Variants in CCDC6 observed in about 807,000 individuals in gnomAD.
The protein encoded by CCDC6 is coiled-coil domain-containing protein 6.
Under a neutral mutation model 56.6 loss-of-function variants are expected in CCDC6, and 20 were observed. That is an observed-to-expected ratio of 0.35 (90% confidence interval 0.25 to 0.51). CCDC6 has a LOEUF of 0.51. Ranked by LOEUF, CCDC6 falls within the 20% of genes least tolerant of loss-of-function variation. The probability of loss-of-function intolerance (pLI) is 0.95; values close to 1 mark genes in which losing one functional copy is unlikely to be tolerated. For missense variants in CCDC6, 367 were observed against 601.1 expected, an observed-to-expected ratio of 0.61 and a Z score of 4.07; for synonymous variants, 241 against 234.4, an observed-to-expected ratio of 1.03 and a Z score of -0.26.
chr10:59,810,777 C>G (rs1261567327), intron 5 of CCDC6, among the ~76,000 whole-genome samples: 3 of 152,106 alleles, frequency 2.0e-5, no homozygotes, highest in African/African-American at 7.2e-5. Context: ...AAGATGTCCA[C>G]ATGCTAATCC....
At chr10:59,825,333 C>T (rs183940621) in intron 3 of CCDC6, among the ~76,000 whole-genome samples, 5 of 152,338 alleles carry the variant, frequency 3.3e-5, no homozygotes, top group Admixed American at 3.3e-4. Flanking sequence ...GCGTATTCTT[C>T]ATTCTCTCTT....
intron 2 of CCDC6, among the ~76,000 whole-genome samples, chr10:59,844,735 G>C (rs1186290463): frequency 1.5e-5 from 2 of 135,552 alleles, no homozygotes; most frequent in Non-Finnish European, 3.1e-5. Context: ...CTGGGCAACA[G>C]AGACTATCTC....
At chr10:59,807,314 G>A (rs1397369831) in intron 5 of CCDC6, among the ~76,000 whole-genome samples, 1 of 152,076 alleles carries the variant, frequency 6.6e-6, no homozygotes, top group African/African-American at 2.4e-5. Context: ...GTGAAACTCA[G>A]TCTCTACTAA....
At chr10:59,796,438 A>G (rs1338365556) in intron 7 of CCDC6, among the ~76,000 whole-genome samples, 1 of 152,188 alleles carries the variant, frequency 6.6e-6, no homozygotes, top group Non-Finnish European at 1.5e-5. Flanking sequence ...AAAAGAAAAA[A>G]AAAGGTAACA....
chr10:59,889,326 C>T (rs2071405200), intron 1 of CCDC6, among the ~76,000 whole-genome samples: 1 of 152,210 alleles, frequency 6.6e-6, no homozygotes, highest in Non-Finnish European at 1.5e-5. Context: ...ATAGGAAAGA[C>T]CTCAAACATC....
chr10:59,824,458 C>A (rs2070770611), intron 3 of CCDC6, among the ~76,000 whole-genome samples: 1 of 152,172 alleles, frequency 6.6e-6, no homozygotes, highest in South Asian at 2.1e-4. Context: ...CTCTCTTGGA[C>A]AAGCAGTGGG....
At position 59,790,009 on chromosome 10, in the gene CCDC6, T is replaced by A; in HGVS notation, c.*2908A>T. On this transcript the variant is annotated 3_prime_UTR_variant, in exon 9 of 9. Transcript: ENST00000263102. ...GTCAGTATCTCAGGAGCTCAGAATT[T>A]AAAACTCCTTTCAGTCAACGAAGGA... is the stretch of plus-strand genomic sequence containing the variant. 1 of 217,016 alleles carries A rather than the reference T, an allele frequency of 4.6e-6. No homozygotes were observed. Among genetic ancestry groups the A allele is most frequent in the East Asian group, 6.9e-5 (1 of 14,566 alleles). The allele number at this position is 217,016 out of a possible 1,614,324, so 13.4% of individuals were successfully genotyped here.
chr10:59,806,689 T>C (rs2070626645), intron 6 of CCDC6: 2 of 455,764 alleles, frequency 4.4e-6, no homozygotes, highest in East Asian at 6.9e-5. Flanking sequence ...TCCATTTCTC[T>C]CCCCACCAAA....
chr10:59,838,523 A>G (rs1177212828), intron 2 of CCDC6, among the ~76,000 whole-genome samples: 1 of 151,920 alleles, frequency 6.6e-6, no homozygotes, highest in East Asian at 1.9e-4. Context: ...TTTTCACACT[A>G]CTCAGTTGAT....
intron 2 of CCDC6, among the ~76,000 whole-genome samples, chr10:59,839,140 T>C (rs1276324406): frequency 6.6e-6 from 1 of 152,172 alleles, no homozygotes; most frequent in Non-Finnish European, 1.5e-5. Context: ...TTGCAAAGAG[T>C]GAAATCACAG....
intron 1 of CCDC6, among the ~76,000 whole-genome samples, chr10:59,891,823 C>T (rs1025227024): frequency 3.9e-5 from 6 of 152,182 alleles, no homozygotes; most frequent in African/African-American, 1.4e-4. Flanking sequence ...AGCCTCCTTG[C>T]CCTCTCTTAC....
At chr10:59,893,511 G>A (rs1269145300) in intron 1 of CCDC6, among the ~76,000 whole-genome samples, 2 of 152,100 alleles carry the variant, frequency 1.3e-5, no homozygotes, top group African/African-American at 4.8e-5. Flanking sequence ...AGGCTGAGGT[G>A]GGAAGATCGC....
At chr10:59,871,466 A>AT (rs1422089470) in intron 1 of CCDC6, among the ~76,000 whole-genome samples, 6 of 90,662 alleles carry the variant, frequency 6.6e-5, no homozygotes, top group South Asian at 8.6e-4. Flanking sequence ...CCTAATACTC[A>AT]TTAAAAAAAA....
At chr10:59,896,287 G>C (rs928877340) in intron 1 of CCDC6, among the ~76,000 whole-genome samples, 8 of 152,080 alleles carry the variant, frequency 5.3e-5, no homozygotes, top group East Asian at 1.9e-4. Context: ...GTGAAGTGTT[G>C]GGGGTAAGAT....
intron 1 of CCDC6, among the ~76,000 whole-genome samples, chr10:59,885,612 T>G (rs1422928930): frequency 6.6e-6 from 1 of 152,228 alleles, no homozygotes; most frequent in Non-Finnish European, 1.5e-5. Flanking sequence ...GATCTCACTC[T>G]GACCACAACT....
At chr10:59,862,512 T>TACACAC (rs1316378076) in intron 1 of CCDC6, among the ~76,000 whole-genome samples, 1 of 75,416 alleles carries the variant, frequency 1.3e-5, no homozygotes, top group African/African-American at 8.5e-5. Context: ...TATATATATA[T>TACACAC]ATATACACAC....
rs765068975 is a variant in CCDC6 at position 59,794,515 on chromosome 10, C to T, written c.1188G>A (p.Pro396=). Residue 396 remains proline, a synonymous_variant, in exon 8 of 9, where the codon CCG becomes CCA. Coordinates refer to ENST00000263102, the MANE Select transcript of CCDC6 (RefSeq NM_005436.5). ...TTCCCATGTGCTGCACGTGAAGACC[C>T]GGGGAATTGTAATAAGACATTCCAG... The part of the protein sequence containing the change: ...TRAGMSYYNS[P]GLHVQHMGTS... 8.7e-6 allele frequency: 14 copies of T among 1,613,924 alleles called. No individual in the cohort carries two copies. Among genetic ancestry groups the T allele is most frequent in the Middle Eastern group, 1.6e-4 (1 of 6,084 alleles).
In CCDC6 at chr10:59,792,567, C is replaced by T. The variant is rs1212300687; in HGVS notation, c.*350G>A. ...GGAAAAAAATATAAAAAAGATATCC[C>T]TTTTTCTTTTACAAACCTAAAAGCC... is the stretch of plus-strand genomic sequence containing the variant. On this transcript the variant is annotated 3_prime_UTR_variant, in exon 9 of 9. Coordinates refer to ENST00000263102, the MANE Select transcript of CCDC6 (RefSeq NM_005436.5). The T allele has an allele frequency of 1.7e-6, 1 of 580,438 alleles. No individual in the cohort carries two copies. Among genetic ancestry groups the T allele is most frequent in the Non-Finnish European group, 3.3e-6 (1 of 307,606 alleles). 36.0% of individuals were successfully genotyped at this position (580,438 alleles called of 1,614,324 possible).
At chr10:59,855,638 A>G (rs1252971294) in intron 1 of CCDC6, among the ~76,000 whole-genome samples, 3 of 152,196 alleles carry the variant, frequency 2.0e-5, no homozygotes, top group African/African-American at 7.2e-5. Flanking sequence ...GCTCATGGCT[A>G]CACGGATTCT....
Sources: allele counts gnomAD v4.1 joint callset (sites outside exome capture counted in the v4.1 genomes callset), GRCh38; gene constraint gnomAD v4.1.1; transcripts MANE v1.5; gene names NCBI Gene and HGNC (gene_info 2026-07-23, HGNC 2026-07-21).